MAP4K4: variants seen among roughly 807,000 people sequenced by gnomAD.
The protein encoded by MAP4K4 is mitogen-activated protein kinase kinase kinase kinase 4.
Under a neutral mutation model 189.6 loss-of-function variants are expected in MAP4K4, and 38 were observed. The observed-to-expected ratio is 0.20, with a 90% CI of 0.15 to 0.26. MAP4K4 has a LOEUF of 0.26. MAP4K4 is among the 10% of genes least tolerant of loss of function. The pLI is 1.00. For synonymous variants in MAP4K4, 610 were observed against 624.3 expected, an observed-to-expected ratio of 0.98 and a Z score of 0.34; for missense variants, 1,054 against 1,726.9, an observed-to-expected ratio of 0.61 and a Z score of 6.91.
intron 9 of MAP4K4, among the ~76,000 whole-genome samples, chr2:101,838,003 G>A (rs2096811496): frequency 6.6e-6 from 1 of 152,178 alleles, no homozygotes; most frequent in African/African-American, 2.4e-5. Context: ...TGGACGTAAA[G>A]TCCTTCTTCC....
chr2:101,855,968 CT>C lies in MAP4K4; in HGVS notation c.1234-7del, dbSNP rs2097440607. The stretch of plus-strand genomic sequence containing the variant: ...GATCCCTGGTAATTATACATTTTTA[CT>C]TACGTAGCAACAAAGGAGAGAGCGG... On this transcript the variant is annotated splice_region_variant and splice_polypyrimidine_tract_variant and intron_variant, in intron 12 of 32. Coordinates refer to ENST00000324219, the Ensembl canonical transcript of MAP4K4. 3 of 1,541,812 alleles carry C rather than the reference CT, an allele frequency of 1.9e-6. No homozygotes were observed. The highest frequency in any genetic ancestry group is 2.6e-6 in the Non-Finnish European group (3 of 1,144,332).
chr2:101,854,277 G>T (rs1484414689), intron 12 of MAP4K4, among the ~76,000 whole-genome samples: 1 of 152,162 alleles, frequency 6.6e-6, no homozygotes, highest in African/African-American at 2.4e-5. Flanking sequence ...AAAGTGAGAT[G>T]AGTAATAACA....
chr2:101,761,883 C>A (rs2076614197), intron 2 of MAP4K4, among the ~76,000 whole-genome samples: 1 of 152,120 alleles, frequency 6.6e-6, no homozygotes, highest in Non-Finnish European at 1.5e-5. Context: ...TAATCCCTAT[C>A]CTGCCCCATC....
intron 2 of MAP4K4, among the ~76,000 whole-genome samples, chr2:101,701,860 T>A (rs1170797843): frequency 7.1e-6 from 1 of 141,014 alleles, no homozygotes; most frequent in Non-Finnish European, 1.6e-5. Flanking sequence ...CATGTTATTT[T>A]GGATTTTATT....
At chr2:101,704,596 G>A (rs573924439) in intron 2 of MAP4K4, among the ~76,000 whole-genome samples, 22 of 46,038 alleles carry the variant, frequency 4.8e-4, no homozygotes, top group Admixed American at 2.8e-3. Flanking sequence ...TTTTTGAGAT[G>A]GTGTCTCGCT....
chr2:101,764,308 A>G (rs1488896066), intron 2 of MAP4K4, among the ~76,000 whole-genome samples: 1 of 152,224 alleles, frequency 6.6e-6, no homozygotes, highest in African/African-American at 2.4e-5. Context: ...TGTTAAATTC[A>G]TAGTTCATTT....
chr2:101,790,218 T>G (rs894455136), intron 2 of MAP4K4, among the ~76,000 whole-genome samples: 1 of 152,134 alleles, frequency 6.6e-6, no homozygotes, highest in African/African-American at 2.4e-5. Flanking sequence ...AGGGAAAAAT[T>G]ACAGTTATCC....
chr2:101,700,598 CTT>C (rs1349067661), intron 2 of MAP4K4, among the ~76,000 whole-genome samples: 1 of 152,134 alleles, frequency 6.6e-6, no homozygotes, highest in Non-Finnish European at 1.5e-5. Context: ...GATGACTAAT[CTT>C]TTCTCATCTG....
chr2:101,871,884 C>T (rs1426138370), intron 24 of MAP4K4, among the ~76,000 whole-genome samples, 199 bp downstream of exon 24: 1 of 152,162 alleles, frequency 6.6e-6, no homozygotes, highest in Non-Finnish European at 1.5e-5. Flanking sequence ...ATCAGCTCCC[C>T]CAAACTTGCC....
In MAP4K4 at chr2:101,775,297, A is replaced by G. The variant is rs982292581; in HGVS notation, c.124-15423A>G. The stretch of plus-strand genomic sequence containing the variant: ...TATCCATCACAGAGGCTGTTGAGTC[A>G]GCTCTTAGGTCATATTTAGCCTCCT... On this transcript the variant is annotated intron_variant, in intron 2 of 32. Transcript: ENST00000324219. Among the ~76,000 whole-genome samples the G allele has an allele frequency of 2.6e-5, 4 of 151,656 alleles. No individual in the cohort carries two copies. In the East Asian group the frequency reaches 5.9e-4, roughly 22 times the overall value.
intron 3 of MAP4K4, among the ~76,000 whole-genome samples, chr2:101,791,450 A>G (rs1303263048): frequency 6.6e-6 from 1 of 151,996 alleles, no homozygotes; most frequent in African/African-American, 2.4e-5. Flanking sequence ...ATAGTAATAT[A>G]TTATAATGAA....
At chr2:101,724,190 A>T (rs145447316) in intron 2 of MAP4K4, among the ~76,000 whole-genome samples, 4 of 152,172 alleles carry the variant, frequency 2.6e-5, no homozygotes, top group East Asian at 1.9e-4. Context: ...ATTCCAGCCA[A>T]CCAATCAGTG....
At chr2:101,745,776 A>C (rs2149843422) in intron 2 of MAP4K4, among the ~76,000 whole-genome samples, 1 of 151,630 alleles carries the variant, frequency 6.6e-6, no homozygotes, top group East Asian at 1.9e-4. Flanking sequence ...TTATTTCTGG[A>C]TCCACTAGCT....
At chr2:101,843,199 A>C (rs1442758274) in intron 11 of MAP4K4, among the ~76,000 whole-genome samples, 1 of 152,172 alleles carries the variant, frequency 6.6e-6, no homozygotes, top group Non-Finnish European at 1.5e-5. Flanking sequence ...GAATCAGAGA[A>C]TAGAGGATTT....
chr2:101,806,465 T>A (rs1026835539), intron 3 of MAP4K4, among the ~76,000 whole-genome samples: 20 of 144,170 alleles, frequency 1.4e-4, no homozygotes, highest in African/African-American at 5.2e-4. Context: ...AACCTCCACC[T>A]CCCAGGTTCA....
At position 101,735,468 on chromosome 2, in the gene MAP4K4, A is replaced by AT. The variant is rs367670715; in HGVS notation, c.123+36937dup. On this transcript the variant is annotated intron_variant, in intron 2 of 32. Transcript: ENST00000324219. ...GTACCAAGTAGGGGCCACCTGCTTTATTTTTTTATTAGGGTTTCCTGGTAA... is the reference window on the plus strand; with the variant it reads ...GTACCAAGTAGGGGCCACCTGCTTTATTTTTTTTATTAGGGTTTCCTGGTAA... Among the ~76,000 whole-genome samples the AT allele has an allele frequency of 1.5e-3, 235 of 152,116 alleles. 1 individual carries two copies. The highest frequency in any genetic ancestry group is 4.6e-3 in the African/African-American group (190 of 41,486).
intron 2 of MAP4K4, among the ~76,000 whole-genome samples, chr2:101,773,767 C>A (rs947952632): frequency 6.6e-6 from 1 of 152,162 alleles, no homozygotes; most frequent in Middle Eastern, 3.2e-3. Context: ...TGGTAACCAT[C>A]CTTCTACTAT....
intron 2 of MAP4K4, among the ~76,000 whole-genome samples, chr2:101,786,564 C>A (rs1414032699): frequency 6.6e-6 from 1 of 152,152 alleles, no homozygotes; most frequent in Non-Finnish European, 1.5e-5. Context: ...CTAAATCATG[C>A]TATGTCTGCT....
At chr2:101,749,896 A>G (rs1337202234) in intron 2 of MAP4K4, among the ~76,000 whole-genome samples, 6 of 65,390 alleles carry the variant, frequency 9.2e-5, no homozygotes, top group South Asian at 4.3e-4. Flanking sequence ...TGCAGCCAAA[A>G]AACAAATGAA....
Sources: allele counts gnomAD v4.1 joint callset (sites outside exome capture counted in the v4.1 genomes callset), GRCh38; gene constraint gnomAD v4.1.1; transcripts MANE v1.5; gene names NCBI Gene and HGNC (gene_info 2026-07-23, HGNC 2026-07-21).